Variants in PCDHA1 observed in about 807,000 individuals in gnomAD.
PCDHA1 encodes protocadherin alpha-1.
Under a neutral mutation model 61.3 loss-of-function variants are expected in PCDHA1, and 42 were observed. The observed-to-expected ratio is 0.69, with a 90% CI of 0.54 to 0.89. PCDHA1 has a LOEUF of 0.89. Among genes scored for constraint, PCDHA1 ranks in the 40% least tolerant of loss-of-function variants. PCDHA1 has a pLI of 0.00. For missense variants in PCDHA1, 1,256 were observed against 1,235.3 expected (o/e 1.02, Z -0.25); for synonymous variants, 610 against 553.8 (o/e 1.10, Z -1.43).
In PCDHA1 at chr5:140,857,247, A is replaced by T. The variant is rs140390466; in HGVS notation, c.2394+68563A>T. 1.3e-4 allele frequency: 206 copies of T among 1,598,558 alleles called. 15 individuals carry two copies. The African/African-American group carries it at 2.2e-3, about 17-fold the overall frequency. On this transcript the variant is annotated intron_variant, in intron 1 of 3. Transcript: ENST00000504120. The stretch of plus-strand genomic sequence containing the variant: ...GTTCCGTTCAAGCTGGTGTCCACCT[A>T]CAAGAATTACTACTCATTGGTGCTG...
At chr5:140,965,903 A>T (rs73793545) in intron 1 of PCDHA1, among the ~76,000 whole-genome samples, 2,475 of 152,308 alleles carry the variant, frequency 0.016, 63 homozygotes, top group African/African-American at 0.056. Context: ...CTTGGATCCC[A>T]GGATGCTGGT....
Position 140,875,657 on chromosome 5 carries a change from G to T in PCDHA1, c.2394+86973G>T, listed in dbSNP as rs1241102848. 6 of 1,613,738 alleles carry T rather than the reference G, an allele frequency of 3.7e-6. No homozygotes were observed. The East Asian group carries it at 1.1e-4, about 30-fold the overall frequency. Reference sequence around the variant, plus strand: ...CTGGAGCTGGCGGAGCTGGTGCCGCGCCTGTTCCGGGTGGCGTCCAAAAGA... The same window carrying T: ...CTGGAGCTGGCGGAGCTGGTGCCGCTCCTGTTCCGGGTGGCGTCCAAAAGA... On this transcript the variant is annotated intron_variant, in intron 1 of 3. Coordinates refer to ENST00000504120, the MANE Select transcript of PCDHA1 (RefSeq NM_018900.4).
chr5:140,967,842 A>G (rs1239466478), intron 1 of PCDHA1: 1 of 1,614,042 alleles, frequency 6.2e-7, no homozygotes, highest in Non-Finnish European at 8.5e-7. Flanking sequence ...GTGGACGTGA[A>G]TGACAATGCC....
rs1554120815 is a variant in PCDHA1, at chr5:140,799,008, A to G, written c.2394+10324A>G. The stretch of plus-strand genomic sequence containing the variant: ...CATTTCCAAGTAATACTTGACCACT[A>G]TGTTTCTACCATAGGTAAATGATAA... On this transcript the variant is annotated intron_variant, in intron 1 of 3. Transcript: ENST00000504120. 3.3e-5 allele frequency among the ~76,000 whole-genome samples: 5 copies of G among 152,212 alleles called. No homozygotes were observed. The South Asian group carries it at 6.2e-4, about 19-fold the overall frequency.
chr5:140,991,227 A>G (rs1172819040), intron 3 of PCDHA1, among the ~76,000 whole-genome samples: 2 of 152,224 alleles, frequency 1.3e-5, no homozygotes, highest in African/African-American at 4.8e-5. Flanking sequence ...TCATTAATAA[A>G]TGCAGTGGTA....
At chr5:140,937,844 G>A (rs926736710) in intron 1 of PCDHA1, among the ~76,000 whole-genome samples, 7 of 149,606 alleles carry the variant, frequency 4.7e-5, no homozygotes, top group Non-Finnish European at 8.9e-5. Context: ...CCTGGAAGGC[G>A]GAACTTGGAG....
At chr5:140,909,835 C>T (rs1554193946) in intron 1 of PCDHA1, among the ~76,000 whole-genome samples, 2 of 152,068 alleles carry the variant, frequency 1.3e-5, no homozygotes, top group Non-Finnish European at 2.9e-5. Context: ...AACTGGAGGA[C>T]CACCAGGACG....
At chr5:140,919,489 T>C (rs1554199092) in intron 1 of PCDHA1, among the ~76,000 whole-genome samples, 2 of 152,222 alleles carry the variant, frequency 1.3e-5, no homozygotes, top group African/African-American at 4.8e-5. Context: ...TTATGTTTGT[T>C]ATTTTACTCC....
At position 140,857,244 on chromosome 5, in the gene PCDHA1, C is replaced by T. The variant is rs192745808; in HGVS notation, c.2394+68560C>T. On this transcript the variant is annotated intron_variant, in intron 1 of 3. Coordinates refer to ENST00000504120, the MANE Select transcript of PCDHA1 (RefSeq NM_018900.4). ...CACGTTCCGTTCAAGCTGGTGTCCA[C>T]CTACAAGAATTACTACTCATTGGTG... 5 of 1,598,592 alleles carry T rather than the reference C, an allele frequency of 3.1e-6. 1 individual carries two copies. In the African/African-American group the frequency reaches 6.7e-5, roughly 21 times the overall value.
chr5:140,871,729 G>C, intron 1 of PCDHA1: 1 of 714,516 alleles, frequency 1.4e-6, no homozygotes, highest in Admixed American at 3.4e-5. Context: ...TTAATATTTG[G>C]TTAGCAAATC....
At chr5:140,875,772 G>T (rs781933974) in intron 1 of PCDHA1, 2 of 1,614,136 alleles carry the variant, frequency 1.2e-6, no homozygotes, top group Non-Finnish European at 1.7e-6. Context: ...GGCGGAGCGC[G>T]GAGTGCAGTA....
intron 1 of PCDHA1, among the ~76,000 whole-genome samples, chr5:140,978,488 C>A (rs1453613410): frequency 6.6e-6 from 1 of 152,224 alleles, no homozygotes; most frequent in African/African-American, 2.4e-5. Context: ...TCTGCAAAGC[C>A]AGCAGCAGAT....
chr5:140,836,844 T>A, intron 1 of PCDHA1: 1 of 827,256 alleles, frequency 1.2e-6, no homozygotes, highest in Non-Finnish European at 1.8e-6. Flanking sequence ...GCTTTATGTA[T>A]AATTATTATT....
chr5:140,965,206 T>A (rs2095879920), intron 1 of PCDHA1, among the ~76,000 whole-genome samples: 1 of 152,238 alleles, frequency 6.6e-6, no homozygotes. Flanking sequence ...AGATTTCAAA[T>A]TCCTGTGGAA....
chr5:140,957,702 A>C (rs930331275), intron 1 of PCDHA1, among the ~76,000 whole-genome samples: 4 of 152,158 alleles, frequency 2.6e-5, no homozygotes, highest in Non-Finnish European at 5.9e-5. Context: ...AACATTATGT[A>C]GTTTTTATTA....
chr5:140,968,094 A>G, intron 1 of PCDHA1: 1 of 1,614,138 alleles, frequency 6.2e-7, no homozygotes. Flanking sequence ...ACAGCCACAG[A>G]TGGGGGAATA....
chr5:140,967,226 C>T, intron 1 of PCDHA1: 1 of 1,613,746 alleles, frequency 6.2e-7, no homozygotes, highest in Non-Finnish European at 8.5e-7. Flanking sequence ...GCCCAACTAC[C>T]AGCTTCAGGT....
At chr5:140,927,694 G>A in intron 1 of PCDHA1, 1 of 1,614,202 alleles carries the variant, frequency 6.2e-7, no homozygotes, top group Non-Finnish European at 8.5e-7. Context: ...CAATGGGGAA[G>A]TCCAGTACTC....
At chr5:140,906,924 T>G (rs1244538728) in intron 1 of PCDHA1, among the ~76,000 whole-genome samples, 1 of 152,226 alleles carries the variant, frequency 6.6e-6, no homozygotes, top group African/African-American at 2.4e-5. Flanking sequence ...GCCCAAAAAG[T>G]GTCCCGGTGT....
Sources: allele counts gnomAD v4.1 joint callset (sites outside exome capture counted in the v4.1 genomes callset), GRCh38; gene constraint gnomAD v4.1.1; transcripts MANE v1.5; gene names NCBI Gene and HGNC (gene_info 2026-07-23, HGNC 2026-07-21).